Variants in CLEC20A observed in about 807,000 individuals in gnomAD.
The protein encoded by CLEC20A is C-type lectin domain containing 20A, also known as putative C-type lectin domain family 20 member A.
intron 3 of CLEC20A, among the ~76,000 whole-genome samples, chr1:178,490,829 T>A (rs1038062124): frequency 6.6e-6 from 1 of 152,252 alleles, no homozygotes; most frequent in Admixed American, 6.5e-5. Context: ...CTTGGCAAGA[T>A]GGTAGTGACC....
intron 5 of CLEC20A, among the ~76,000 whole-genome samples, chr1:178,487,799 C>G (rs1572157248): frequency 6.6e-6 from 1 of 152,272 alleles, no homozygotes; most frequent in Middle Eastern, 3.4e-3. Flanking sequence ...GATCAAGTGC[C>G]CTCACTTTTC....
chr1:178,482,082 C>CAAAAAAAAAAAAAAAA (rs1297176109), intron 7 of CLEC20A: 1 of 354,174 alleles, frequency 2.8e-6, no homozygotes, highest in African/African-American at 2.6e-5. Flanking sequence ...AACAAAAAAA[C>CAAAAAAAAAAAAAAAA]AAAAAAACAA....
chr1:178,488,026 C>T (rs1649190387), intron 5 of CLEC20A, among the ~76,000 whole-genome samples: 1 of 152,220 alleles, frequency 6.6e-6, no homozygotes, highest in Non-Finnish European at 1.5e-5. Context: ...ATAATGCCAA[C>T]AGCTCATCAT....
At chr1:178,487,031 C>T in intron 5 of CLEC20A, 1 of 391,132 alleles carries the variant, frequency 2.6e-6, no homozygotes, top group Non-Finnish European at 4.5e-6. Flanking sequence ...CCCTGCGAGG[C>T]GCCCACGGGG....
chr1:178,485,921 G>A (rs146723352), intron 5 of CLEC20A, among the ~76,000 whole-genome samples: 221 of 152,310 alleles, frequency 1.5e-3, no homozygotes, highest in African/African-American at 5.1e-3. Context: ...GGGAGAAGGA[G>A]TGAGTCACTA....
At chr1:178,488,372 C>T (rs983323370) in intron 5 of CLEC20A, 129 bp downstream of exon 5, 3 of 396,240 alleles carry the variant, frequency 7.6e-6, no homozygotes, top group Non-Finnish European at 1.3e-5. Flanking sequence ...GACTGCCACC[C>T]CCTTAGCTCA....
chr1:178,486,955 G>T (rs998609685), intron 5 of CLEC20A: 22 of 396,868 alleles, frequency 5.5e-5, no homozygotes, highest in East Asian at 2.9e-4. Flanking sequence ...CGAGTAGGAG[G>T]TGCGGAGGTC....
intron 6 of CLEC20A, chr1:178,482,801 T>C: frequency 4.9e-6 from 1 of 205,538 alleles, no homozygotes; most frequent in Middle Eastern, 1.6e-3. Flanking sequence ...AATCCAGCCT[T>C]TGCCCGTGAG....
chr1:178,494,950 T>A (rs1420317559), intron 1 of CLEC20A, 140 bp from the exon 2 acceptor site: 1 of 397,850 alleles, frequency 2.5e-6, no homozygotes, highest in Admixed American at 4.4e-5. Flanking sequence ...ACCAGTCATA[T>A]CCAGCTCTAC....
chr1:178,484,149 A>G (rs1193236879), intron 5 of CLEC20A: 1 of 152,178 alleles, frequency 6.6e-6, no homozygotes, highest in African/African-American at 2.4e-5. Context: ...GCAACAAACA[A>G]CCGTGTGTGT....
chr1:178,487,195 A>G (rs977459899), intron 5 of CLEC20A, among the ~76,000 whole-genome samples: 1 of 152,156 alleles, frequency 6.6e-6, no homozygotes, highest in African/African-American at 2.4e-5. Context: ...CCCAGTGCAG[A>G]CAGGGGCGAG....
At chr1:178,479,681 A>AACT (rs1648895143) in intron 7 of CLEC20A, 66 bp from the exon 8 acceptor site, 1 of 397,568 alleles carries the variant, frequency 2.5e-6, no homozygotes. Flanking sequence ...CTTAGCCCTA[A>AACT]ACTATCCATC....
At chr1:178,492,147 T>C (rs1227967746) in intron 3 of CLEC20A, among the ~76,000 whole-genome samples, 1 of 152,036 alleles carries the variant, frequency 6.6e-6, no homozygotes, top group Non-Finnish European at 1.5e-5. Context: ...TAGCTGGGCA[T>C]GGTGGCATGT....
At chr1:178,497,197 A>G (rs190601702), upstream of CLEC20A, 2 of 383,218 alleles carry the variant, frequency 5.2e-6, no homozygotes, top group Non-Finnish European at 9.2e-6. Flanking sequence ...GTGGGGGTTC[A>G]GAAAACAGTG....
chr1:178,492,308 A>T (rs904433114), intron 3 of CLEC20A, among the ~76,000 whole-genome samples, 193 bp downstream of exon 3: 5 of 151,452 alleles, frequency 3.3e-5, no homozygotes, highest in Admixed American at 6.6e-5. Flanking sequence ...AAATAAAAAT[A>T]AGGACATTGA....
At chr1:178,492,240 T>C (rs1269034122) in intron 3 of CLEC20A, among the ~76,000 whole-genome samples, 1 of 151,980 alleles carries the variant, frequency 6.6e-6, no homozygotes, top group Admixed American at 6.6e-5. Context: ...TGTGCCACTG[T>C]ACTCCAGCCT....
intron 4 of CLEC20A, among the ~76,000 whole-genome samples, chr1:178,488,875 A>T (rs1288035599): frequency 2.6e-5 from 4 of 152,220 alleles, no homozygotes; most frequent in Admixed American, 1.3e-4. Flanking sequence ...GAAACAGCCA[A>T]GGACAAGCAA....
At position 178,495,484 on chromosome 1, in the gene CLEC20A, C is replaced by G. The variant is rs1363431830; in HGVS notation, c.41-674G>C. On this transcript the variant is annotated intron_variant, in intron 1 of 7. Transcript: ENST00000623247. The stretch of plus-strand genomic sequence containing the variant: ...TCCAGGCCCACCCTAAAGCAAAGAT[C>G]TGCTGCTGGGACTAGCATCAGGATT... Among the ~76,000 whole-genome samples, 3 of 152,202 alleles carry G rather than the reference C, an allele frequency of 2.0e-5. No individual in the cohort carries two copies. In the East Asian group the frequency reaches 5.8e-4, roughly 29 times the overall value.
intron 3 of CLEC20A, among the ~76,000 whole-genome samples, chr1:178,492,087 C>T (rs1315323409): frequency 1.3e-5 from 2 of 152,104 alleles, no homozygotes; most frequent in African/African-American, 4.8e-5. Flanking sequence ...AGTTCGAGAC[C>T]AGCCTGAGCA....
Sources: allele counts gnomAD v4.1 joint callset (sites outside exome capture counted in the v4.1 genomes callset), GRCh38; gene constraint gnomAD v4.1.1; transcripts MANE v1.5; gene names NCBI Gene and HGNC (gene_info 2026-07-23, HGNC 2026-07-21).